Variants in ZNF507 observed in about 807,000 individuals in gnomAD.
The protein encoded by ZNF507 is zinc finger protein 507.
In ZNF507, 29 loss-of-function variants were observed where a neutral mutation model predicts 80.0. The ratio of observed to expected loss-of-function variants is 0.36; its 90% CI spans 0.27 to 0.49. The LOEUF (loss-of-function observed/expected upper bound fraction) is 0.49, where lower values mean the gene tolerates loss of function less well. Among genes scored for constraint, ZNF507 ranks in the 20% least tolerant of loss-of-function variants. ZNF507 has a pLI of 0.98. For synonymous variants in ZNF507, 462 were observed against 422.5 expected (o/e 1.09, Z -1.15); for missense variants, 1,081 against 1,152.2 (o/e 0.94, Z 0.90).
chr19:32,379,365 A>G (rs1020351156), intron 5 of ZNF507, among the ~76,000 whole-genome samples: 42 of 152,348 alleles, frequency 2.8e-4, no homozygotes, highest in African/African-American at 9.6e-4. Flanking sequence ...TTATTATGCC[A>G]GCTGTAATAA....
chr19:32,377,648 C>A (rs777823168), intron 5 of ZNF507, among the ~76,000 whole-genome samples: 2 of 152,158 alleles, frequency 1.3e-5, no homozygotes, highest in Non-Finnish European at 2.9e-5. Context: ...CGTGTCCATA[C>A]TGATGTATAT....
At chr19:32,373,218 G>C (rs989064180) in intron 5 of ZNF507, among the ~76,000 whole-genome samples, 1 of 149,976 alleles carries the variant, frequency 6.7e-6, no homozygotes, top group Non-Finnish European at 1.5e-5. Context: ...GGAATTTCGG[G>C]GGGGGCACAT....
In ZNF507 at chr19:32,354,864, G is replaced by A. The variant is rs889356999; in HGVS notation, c.2034G>A (p.Ala678=). 15 of 1,613,978 alleles carry A rather than the reference G, an allele frequency of 9.3e-6. No homozygotes were observed. The highest frequency in any genetic ancestry group is 4.0e-5 in the African/African-American group (3 of 74,876). ...PYQCPICEHI[A]DNSKDLESHM... ...AGTGTCCTATCTGCGAGCACATAGC[G>A]GACAACAGCAAAGATTTGGAGAGTC... is the stretch of plus-strand genomic sequence containing the variant. The change falls in exon 3 of 7, where the codon GCG becomes GCA. Residue 678 remains alanine (A), a synonymous_variant. Coordinates refer to ENST00000355898, the MANE Select transcript of ZNF507 (RefSeq NM_001136156.2).
chr19:32,374,360 ATTGAG>A (rs1967517747), intron 5 of ZNF507, among the ~76,000 whole-genome samples: 1 of 151,960 alleles, frequency 6.6e-6, no homozygotes, highest in Non-Finnish European at 1.5e-5. Context: ...TTGTGGCTTT[ATTGAG>A]TTATTATTTG....
intron 5 of ZNF507, among the ~76,000 whole-genome samples, chr19:32,370,904 G>T (rs1967461727): frequency 6.6e-6 from 1 of 152,162 alleles, no homozygotes; most frequent in African/African-American, 2.4e-5. Flanking sequence ...GATTGCTGTG[G>T]ATGATGTAAG....
At chr19:32,351,213 G>GA (rs1055288678) in intron 2 of ZNF507, among the ~76,000 whole-genome samples, 1 of 152,060 alleles carries the variant, frequency 6.6e-6, no homozygotes, top group South Asian at 2.1e-4. Context: ...GTAGCCAAGA[G>GA]AAAAAAAGCT....
intron 5 of ZNF507, among the ~76,000 whole-genome samples, chr19:32,368,925 C>A (rs965800613): frequency 6.6e-6 from 1 of 152,176 alleles, no homozygotes; most frequent in Non-Finnish European, 1.5e-5. Context: ...TGCTTTTTTC[C>A]ATCTAAGCCC....
Position 32,385,811 on chromosome 19 carries a change from T to C in ZNF507, c.*2728T>C, listed in dbSNP as rs1967680687. ...AACCGGGGTGACAGATGAGGTCCTC[T>C]GTTTACCTCCCCCCCCAAAAAAAAA... On this transcript the variant is annotated 3_prime_UTR_variant, in exon 7 of 7. Transcript: ENST00000355898. The C allele has an allele frequency of 6.6e-6, 1 of 152,068 alleles. No homozygotes were observed. Among genetic ancestry groups the C allele is most frequent in the African/African-American group, 2.4e-5 (1 of 41,394 alleles). 9.4% of individuals were successfully genotyped at this position (152,068 alleles called of 1,614,324 possible).
In ZNF507 at chr19:32,385,577, G is replaced by A. The variant is rs1452508323; in HGVS notation, c.*2494G>A. 6.6e-6 allele frequency: 1 copy of A among 152,240 alleles called. No homozygotes were observed. Among genetic ancestry groups the A allele is most frequent in the Non-Finnish European group, 1.5e-5 (1 of 68,084 alleles). 9.4% of individuals were successfully genotyped at this position (152,240 alleles called of 1,614,324 possible). On this transcript the variant is annotated 3_prime_UTR_variant, in exon 7 of 7. Coordinates refer to ENST00000355898, the MANE Select transcript of ZNF507 (RefSeq NM_001136156.2). ...CACCTGTAATCCCAATACTTTAGAA[G>A]GCCAAGGCTGGAGGACTGCTTGAGT...
Position 32,354,045 on chromosome 19 carries a change from TGAA to T in ZNF507, c.1219_1221del (p.Glu407del). 5.6e-6 allele frequency: 9 copies of T among 1,614,120 alleles called. No homozygotes were observed. Among genetic ancestry groups the T allele is most frequent in the Non-Finnish European group, 6.8e-6 (8 of 1,180,022 alleles). On this transcript the variant is annotated inframe_deletion, in exon 3 of 7. Transcript: ENST00000355898. ...TGATAGTGGAGCGATTGCCAAGTGC[TGAA>T]GAAACCCTTTCACAGAAGCGCTTCC...
intron 4 of ZNF507, 30 bp from the exon 5 acceptor site, chr19:32,360,474 G>A: frequency 8.0e-7 from 1 of 1,254,652 alleles, no homozygotes. Context: ...GTCAAAGCCT[G>A]CTACTAAAAC....
intron 5 of ZNF507, among the ~76,000 whole-genome samples, chr19:32,371,834 T>C (rs1169276516): frequency 6.6e-6 from 1 of 151,732 alleles, no homozygotes; most frequent in African/African-American, 2.4e-5. Flanking sequence ...AGAGACGGGG[T>C]TTCACCGTGT....
chr19:32,374,076 C>G (rs964508956), intron 5 of ZNF507, among the ~76,000 whole-genome samples: 10 of 152,052 alleles, frequency 6.6e-5, no homozygotes, highest in African/African-American at 2.4e-4. Flanking sequence ...TAGTTAATAA[C>G]TGAAATTTGA....
rs775182865 is a variant in ZNF507 at position 32,354,734 on chromosome 19, C to G, written c.1904C>G (p.Pro635Arg). The G allele has an allele frequency of 1.9e-6, 3 of 1,614,162 alleles. No individual in the cohort carries two copies. The highest frequency in any genetic ancestry group is 2.2e-5 in the East Asian group (1 of 44,868). ...GGAAACAATGTGGTGGAATACATCC[C>G]GAATGCTGAACGACCCTACCGTTGC... ...LSGNNVVEYI[P>R]NAERPYRCRL... The change falls in exon 3 of 7, where the codon CCG (proline) becomes CGG (arginine). Residue 635 changes from proline (P) to arginine (R), a missense_variant. Transcript: ENST00000355898.
At chr19:32,368,003 A>G (rs1269667454) in intron 5 of ZNF507, among the ~76,000 whole-genome samples, 2 of 152,182 alleles carry the variant, frequency 1.3e-5, no homozygotes, top group Admixed American at 6.5e-5. Context: ...TTTTGTAGAC[A>G]TGGAAACAGA....
rs1455107036 is a variant in ZNF507 at position 32,382,610 on chromosome 19, T to C, written c.2495+9T>C. 1 of 1,614,052 alleles carries C rather than the reference T, an allele frequency of 6.2e-7. No homozygotes were observed. The highest frequency in any genetic ancestry group is 1.3e-5 in the African/African-American group (1 of 75,036). ...ATTTCACAAAGTGGCAGGTATTTCA[T>C]CCTACCCCCTCCCTTTATTGCTATA... On this transcript the variant is annotated intron_variant, in intron 6 of 6. Coordinates refer to ENST00000355898, the MANE Select transcript of ZNF507 (RefSeq NM_001136156.2).
chr19:32,366,152 C>T (rs1599553436), intron 5 of ZNF507, among the ~76,000 whole-genome samples: 1 of 152,052 alleles, frequency 6.6e-6, no homozygotes, highest in South Asian at 2.1e-4. Flanking sequence ...CAAACAAGGT[C>T]CAGCCGCTCT....
rs1305714107 is a variant in ZNF507, at chr19:32,353,311, C to T, written c.481C>T (p.His161Tyr). 4.3e-6 allele frequency: 7 copies of T among 1,614,092 alleles called. No homozygotes were observed. Among genetic ancestry groups the T allele is most frequent in the Non-Finnish European group, 5.9e-6 (7 of 1,180,048 alleles). ...AGTGATACTGATGTGCTCAGAGTGCCATATTACATCTAGAAGCCAGGAGGA... is the reference window on the plus strand; with the variant it reads ...AGTGATACTGATGTGCTCAGAGTGCTATATTACATCTAGAAGCCAGGAGGA... ...NEVILMCSEC[H>Y]ITSRSQEELE... The change falls in exon 3 of 7, where the codon CAT becomes TAT. Residue 161 changes from histidine (H) to tyrosine (Y), a missense_variant. Transcript: ENST00000355898.
chr19:32,364,084 A>G (rs550836892), intron 5 of ZNF507, among the ~76,000 whole-genome samples: 2 of 152,334 alleles, frequency 1.3e-5, no homozygotes, highest in South Asian at 2.1e-4. Context: ...AGTACCCAGC[A>G]TGTTACTTGG....
Sources: allele counts gnomAD v4.1 joint callset (sites outside exome capture counted in the v4.1 genomes callset), GRCh38; gene constraint gnomAD v4.1.1; transcripts MANE v1.5; gene names NCBI Gene and HGNC (gene_info 2026-07-23, HGNC 2026-07-21).